Variants in RFXAP observed in about 807,000 individuals in gnomAD.
RFXAP encodes regulatory factor X-associated protein.
Under a neutral mutation model 25.7 loss-of-function variants are expected in RFXAP, and 21 were observed. That is an observed-to-expected ratio of 0.82 (90% CI 0.58 to 1.18). The LOEUF (loss-of-function observed/expected upper bound fraction) is 1.18, where lower values mean the gene tolerates loss of function less well. RFXAP is among the 50% of genes most tolerant of loss of function. The pLI, the probability that RFXAP is intolerant of heterozygous loss-of-function variation, is 0.00. For missense variants in RFXAP, 333 were observed against 363.0 expected (o/e 0.92, Z 0.67); for synonymous variants, 161 against 152.2 (o/e 1.06, Z -0.43).
intron 1 of RFXAP, among the ~76,000 whole-genome samples, chr13:36,820,917 G>A (rs1440553407): frequency 6.6e-6 from 1 of 152,162 alleles, no homozygotes; most frequent in African/African-American, 2.4e-5. Context: ...CCAGCAACTG[G>A]CTAAAGTTTG....
Position 36,819,298 on chromosome 13 carries a change from C to G in RFXAP, c.-60C>G, listed in dbSNP as rs2057952850. On this transcript the variant is annotated 5_prime_UTR_variant, in exon 1 of 3. Coordinates refer to ENST00000255476, the MANE Select transcript of RFXAP (RefSeq NM_000538.4). The stretch of plus-strand genomic sequence containing the variant: ...CCTGAGTCTTTGGTTCGCGAAGTGC[C>G]GTTAGGCCAAGCAGGTGCTAAAAGC... 8.1e-7 allele frequency: 1 copy of G among 1,238,098 alleles called. No individual in the cohort carries two copies. The highest frequency in any genetic ancestry group is 1.0e-6 in the Non-Finnish European group (1 of 988,280). 76.7% of individuals were successfully genotyped at this position (1,238,098 alleles called of 1,614,324 possible).
chr13:36,819,544 G>A lies in RFXAP; in HGVS notation c.187G>A (p.Gly63Ser). 2 of 1,522,158 alleles carry A rather than the reference G, an allele frequency of 1.3e-6. No individual in the cohort carries two copies. The highest frequency in any genetic ancestry group is 1.8e-6 in the Non-Finnish European group (2 of 1,132,772). 94.3% of individuals were successfully genotyped at this position (1,522,158 alleles called of 1,614,324 possible). The change falls in exon 1 of 3, where the codon GGC becomes AGC. Residue 63 changes from glycine to serine, a missense_variant. Transcript: ENST00000255476. Reference sequence around the variant, plus strand: ...GCAGGACGAGGCTGCGGCCCCCGGGGGCAGCGTTGGGGCGGGCAAGCCCGT... The same window carrying A: ...GCAGGACGAGGCTGCGGCCCCCGGGAGCAGCGTTGGGGCGGGCAAGCCCGT... The part of the protein sequence containing the change: ...AGQDEAAAPG[G>S]SVGAGKPVRY...
chr13:36,819,622 G>C lies in RFXAP; in HGVS notation c.265G>C (p.Glu89Gln), dbSNP rs1290515755. 6.5e-6 allele frequency: 10 copies of C among 1,541,774 alleles called. No individual in the cohort carries two copies. In the Admixed American group the frequency reaches 1.6e-4, roughly 24 times the overall value. The change falls in exon 1 of 3, where the codon GAG becomes CAG. Residue 89 changes from glutamate (E) to glutamine (Q), a missense_variant. Transcript: ENST00000255476. ...GDGEEEAGED[E>Q]ADLLDTSDPP... ...TGGCGAAGAGGAGGCTGGGGAGGAC[G>C]AGGCGGACCTGTTAGACACTTCGGA...
Position 36,825,486 on chromosome 13 carries a change from G to C in RFXAP, c.659G>C (p.Arg220Pro), listed in dbSNP as rs749721411. 10 of 1,612,666 alleles carry C rather than the reference G, an allele frequency of 6.2e-6. No individual in the cohort carries two copies. The highest frequency in any genetic ancestry group is 8.5e-6 in the Non-Finnish European group (10 of 1,179,466). ...CAAAGAACAGGATCTTTTGGGGATC[G>C]TCCTGCAAGACCTACTCTTTTAGAA... ...VKQRTGSFGD[R>P]PARPTLLEQV... is the part of the protein sequence containing the mutation. Residue 220 changes from arginine (R) to proline (P), a missense_variant, in exon 2 of 3, where the codon CGT (arginine) becomes CCT (proline). Arg to Pro is a moderately radical substitution (Grantham distance 103). Transcript: ENST00000255476.
In RFXAP at chr13:36,828,979, T is replaced by C. The variant is rs2057987108; in HGVS notation, c.*1226T>C. The C allele has an allele frequency of 6.6e-6, 1 of 152,600 alleles. No homozygotes were observed. The highest frequency in any genetic ancestry group is 1.5e-5 in the Non-Finnish European group (1 of 68,038). The allele number at this position is 152,600 out of a possible 1,614,324, so 9.5% of individuals were successfully genotyped here. ...AAGTTCGACTTAATCATGGCTGTTC[T>C]AAGAAGTACTTATGGAGAGCAAGAA... On this transcript the variant is annotated 3_prime_UTR_variant, in exon 3 of 3. Coordinates refer to ENST00000255476, the MANE Select transcript of RFXAP (RefSeq NM_000538.4).
At position 36,828,235 on chromosome 13, in the gene RFXAP, G is replaced by A. The variant is rs139553747; in HGVS notation, c.*482G>A. 1.9e-5 allele frequency: 3 copies of A among 159,808 alleles called. No homozygotes were observed. The highest frequency in any genetic ancestry group is 4.8e-5 in the African/African-American group (2 of 41,594). The allele number at this position is 159,808 out of a possible 1,614,324, so 9.9% of individuals were successfully genotyped here. A position where few individuals can be genotyped will look rare whatever the true frequency, so the allele number is the denominator to read the frequency against. ...CATACTAAAGATTGTCTCACCCGCAGTGCCAATAACACTCCTAAGAAATGT... is the reference window on the plus strand; with the variant it reads ...CATACTAAAGATTGTCTCACCCGCAATGCCAATAACACTCCTAAGAAATGT... On this transcript the variant is annotated 3_prime_UTR_variant, in exon 3 of 3. Coordinates refer to ENST00000255476, the MANE Select transcript of RFXAP (RefSeq NM_000538.4).
At chr13:36,820,399 G>A (rs1263788528) in intron 1 of RFXAP, among the ~76,000 whole-genome samples, 3 of 152,106 alleles carry the variant, frequency 2.0e-5, no homozygotes, top group African/African-American at 4.8e-5. Flanking sequence ...TAATACTCCT[G>A]TATTTAGTAC....
chr13:36,820,360 C>G (rs1179370947), intron 1 of RFXAP, among the ~76,000 whole-genome samples: 1 of 152,092 alleles, frequency 6.6e-6, no homozygotes, highest in African/African-American at 2.4e-5. Flanking sequence ...ATCCAGTTCT[C>G]AGTACCCAGT....
At position 36,827,937 on chromosome 13, in the gene RFXAP, C is replaced by A; in HGVS notation, c.*184C>A. On this transcript the variant is annotated 3_prime_UTR_variant, in exon 3 of 3. Transcript: ENST00000255476. ...TTTGTGCATCTAATCTTTCAGATTA[C>A]TGTGAGTTTGAAGAAGTCAGCTTAT... 1 of 577,166 alleles carries A rather than the reference C, an allele frequency of 1.7e-6. No homozygotes were observed. Among genetic ancestry groups the A allele is most frequent in the South Asian group, 2.4e-5 (1 of 41,568 alleles). 35.8% of individuals were successfully genotyped at this position (577,166 alleles called of 1,614,324 possible).
chr13:36,825,363 A>G, intron 1 of RFXAP, 65 bp from the exon 2 acceptor site: 1 of 1,186,022 alleles, frequency 8.4e-7, no homozygotes, highest in South Asian at 1.2e-5. Flanking sequence ...CATCTTTGAA[A>G]TACCTGTAAT....
At chr13:36,827,077 G>C (rs1045295709) in intron 2 of RFXAP, among the ~76,000 whole-genome samples, 8 of 152,038 alleles carry the variant, frequency 5.3e-5, no homozygotes, top group African/African-American at 1.4e-4. Context: ...AAAAGGTATT[G>C]GATGTTTTAG....
intron 1 of RFXAP, 80 bp from the exon 2 acceptor site, chr13:36,825,346 TTC>T: frequency 9.5e-7 from 1 of 1,049,478 alleles, no homozygotes; most frequent in East Asian, 2.4e-5. Flanking sequence ...CAAAGACCTG[TTC>T]ATTACATCTT....
chr13:36,821,390 G>A (rs894185665), intron 1 of RFXAP, among the ~76,000 whole-genome samples: 4 of 152,140 alleles, frequency 2.6e-5, no homozygotes, highest in African/African-American at 9.7e-5. Flanking sequence ...GCCAGGCTCA[G>A]TGGCTAATAC....
At position 36,819,277 on chromosome 13, in the gene RFXAP, A is replaced by T; in HGVS notation, c.-81A>T. The T allele has an allele frequency of 1.7e-6, 2 of 1,182,448 alleles. No homozygotes were observed. Among genetic ancestry groups the T allele is most frequent in the Non-Finnish European group, 2.1e-6 (2 of 947,772 alleles). The allele number at this position is 1,182,448 out of a possible 1,614,324, so 73.2% of individuals were successfully genotyped here. A position where few individuals can be genotyped will look rare whatever the true frequency, so the allele number is the denominator to read the frequency against. ...GCGCCTTTTACCCCAGCGTGTCCTGAGTCTTTGGTTCGCGAAGTGCCGTTA... is the reference window on the plus strand; with the variant it reads ...GCGCCTTTTACCCCAGCGTGTCCTGTGTCTTTGGTTCGCGAAGTGCCGTTA... On this transcript the variant is annotated 5_prime_UTR_variant, in exon 1 of 3. Coordinates refer to ENST00000255476, the MANE Select transcript of RFXAP (RefSeq NM_000538.4).
chr13:36,822,452 C>T (rs904435143), intron 1 of RFXAP, among the ~76,000 whole-genome samples: 2 of 151,646 alleles, frequency 1.3e-5, no homozygotes, highest in Non-Finnish European at 2.9e-5. Context: ...AACTACCTAA[C>T]ATTTACATCT....
intron 2 of RFXAP, among the ~76,000 whole-genome samples, chr13:36,826,133 A>G (rs2057977238): frequency 1.3e-5 from 2 of 152,292 alleles, no homozygotes; most frequent in Admixed American, 1.3e-4. Flanking sequence ...TGATCATACC[A>G]CTGTACTCCA....
At position 36,819,465 on chromosome 13, in the gene RFXAP, G is replaced by C. The variant is rs1383786589; in HGVS notation, c.108G>C (p.Ser36=). 6.6e-6 allele frequency: 10 copies of C among 1,511,596 alleles called. No individual in the cohort carries two copies. The Admixed American group carries it at 1.1e-4, about 16-fold the overall frequency. 93.6% of individuals were successfully genotyped at this position (1,511,596 alleles called of 1,614,324 possible). A position where few individuals can be genotyped will look rare whatever the true frequency, so the allele number is the denominator to read the frequency against. Residue 36 remains serine (S), a synonymous_variant, in exon 1 of 3, where the codon TCG becomes TCC. Coordinates refer to ENST00000255476, the MANE Select transcript of RFXAP (RefSeq NM_000538.4). The stretch of plus-strand genomic sequence containing the variant: ...CGGCTCCCACCTTGGCGCCAGCCTC[G>C]GTGGCGGCCGCGGCCTCTCAATTCA... ...PAAAPTLAPA[S]VAAAASQFTL...
intron 1 of RFXAP, 72 bp downstream of exon 1, chr13:36,820,029 G>C (rs2138213185): frequency 6.4e-7 from 1 of 1,569,676 alleles, no homozygotes. Flanking sequence ...AACCGCATCT[G>C]CAGGGCCTGC....
At chr13:36,822,052 A>G (rs569117054) in intron 1 of RFXAP, among the ~76,000 whole-genome samples, 1 of 152,130 alleles carries the variant, frequency 6.6e-6, no homozygotes, top group Non-Finnish European at 1.5e-5. Context: ...CATTCACTTC[A>G]GAATTCTTTA....
Sources: allele counts gnomAD v4.1 joint callset (sites outside exome capture counted in the v4.1 genomes callset), GRCh38; gene constraint gnomAD v4.1.1; transcripts MANE v1.5; gene names NCBI Gene and HGNC (gene_info 2026-07-23, HGNC 2026-07-21).